Variants in RAB7A observed in about 807,000 individuals in gnomAD.
RAB7A encodes the protein ras-related protein Rab-7a.
In RAB7A, 2 loss-of-function variants were observed where a neutral mutation model predicts 24.5. That is an observed-to-expected ratio of 0.08 (90% CI 0.03 to 0.26). RAB7A has a LOEUF of 0.26. Ranked by LOEUF, RAB7A falls within the 10% of genes least tolerant of loss-of-function variation. RAB7A has a pLI of 1.00. For missense variants in RAB7A, 118 were observed against 255.7 expected, an observed-to-expected ratio of 0.46 and a Z score of 3.67; for synonymous variants, 100 against 95.9, an observed-to-expected ratio of 1.04 and a Z score of -0.25.
chr3:128,769,911 T>C (rs2070868244), intron 1 of RAB7A, among the ~76,000 whole-genome samples: 1 of 152,236 alleles, frequency 6.6e-6, no homozygotes. Flanking sequence ...TAGTTCCTTA[T>C]CATGCCTGCT....
rs138982701 is a variant in RAB7A at position 128,806,491 on chromosome 3, T to C, written c.300T>C (p.Asp100=). The part of the protein sequence containing the change: ...VTAPNTFKTL[D]SWRDEFLIQA... ...CCCCCAACACATTCAAAACCCTAGATAGCTGGAGAGATGAGTTTCTCATCC... is the reference window on the plus strand; with the variant it reads ...CCCCCAACACATTCAAAACCCTAGACAGCTGGAGAGATGAGTTTCTCATCC... The change falls in exon 4 of 6, where the codon GAT becomes GAC. Residue 100 remains aspartate (D), a synonymous_variant. Transcript: ENST00000265062. 16 of 1,614,136 alleles carry C rather than the reference T, an allele frequency of 9.9e-6. No homozygotes were observed. The African/African-American group carries it at 1.9e-4, about 19-fold the overall frequency.
chr3:128,774,108 T>C (rs1167140185), intron 1 of RAB7A, among the ~76,000 whole-genome samples: 1 of 150,604 alleles, frequency 6.6e-6, no homozygotes, highest in Admixed American at 6.6e-5. Context: ...AAAAAAATTT[T>C]TTTAAATATA....
chr3:128,757,253 A>T (rs2070738193), intron 1 of RAB7A, among the ~76,000 whole-genome samples: 1 of 152,088 alleles, frequency 6.6e-6, no homozygotes, highest in Admixed American at 6.6e-5. Flanking sequence ...TTTCTCTCCC[A>T]GCCATACTTG....
intron 1 of RAB7A, among the ~76,000 whole-genome samples, chr3:128,766,932 C>G (rs2070837299): frequency 6.6e-6 from 1 of 151,958 alleles, no homozygotes; most frequent in South Asian, 2.1e-4. Context: ...TAGAAGAGTT[C>G]TAATTTCTCC....
intron 1 of RAB7A, among the ~76,000 whole-genome samples, chr3:128,758,266 G>GTTTTT (rs1261789868): frequency 3.2e-5 from 4 of 124,400 alleles, no homozygotes; most frequent in Non-Finnish European, 3.3e-5. Flanking sequence ...CCCAGTGTTT[G>GTTTTT]TTTTTTTGTT....
intron 1 of RAB7A, among the ~76,000 whole-genome samples, chr3:128,792,778 T>A (rs1933484327): frequency 6.6e-6 from 1 of 152,076 alleles, no homozygotes. Context: ...TGCCTCAGTC[T>A]CCCGAATAGC....
chr3:128,730,220 TTGTG>T, intron 1 of RAB7A, among the ~76,000 whole-genome samples: 1 of 152,278 alleles, frequency 6.6e-6, no homozygotes. Flanking sequence ...GAAAAATAGT[TTGTG>T]TTTTAAAACT....
chr3:128,736,686 T>A (rs2070492680), intron 1 of RAB7A, among the ~76,000 whole-genome samples: 1 of 152,084 alleles, frequency 6.6e-6, no homozygotes, highest in Non-Finnish European at 1.5e-5. Context: ...GTATTTAAAT[T>A]TAAAAAAATT....
chr3:128,776,954 AC>A, intron 1 of RAB7A, among the ~76,000 whole-genome samples: 1 of 117,366 alleles, frequency 8.5e-6, no homozygotes, highest in Non-Finnish European at 1.6e-5. Context: ...CTACACACAC[AC>A]ACACACACAC....
At chr3:128,805,244 C>T (rs528892273) in intron 3 of RAB7A, among the ~76,000 whole-genome samples, 63 of 152,282 alleles carry the variant, frequency 4.1e-4, no homozygotes, top group African/African-American at 1.4e-3. Context: ...CCAGCAGTCC[C>T]GATCCTGTTT....
intron 2 of RAB7A, among the ~76,000 whole-genome samples, chr3:128,795,751 C>CTTTTGTTTTTTTTTTTTTTTTT (rs1933555372): frequency 4.6e-5 from 2 of 43,030 alleles, no homozygotes; most frequent in African/African-American, 6.3e-5. Flanking sequence ...AGCAGATGTG[C>CTTTTGTTTTTTTTTTTTTTTTT]TTTTTTTTTT....
intron 3 of RAB7A, among the ~76,000 whole-genome samples, chr3:128,802,228 G>A (rs1933712625): frequency 6.6e-6 from 1 of 152,210 alleles, no homozygotes; most frequent in African/African-American, 2.4e-5. Flanking sequence ...AATCTAATGT[G>A]TAGGGAAAGA....
At chr3:128,750,025 GT>G (rs2070660882) in intron 1 of RAB7A, among the ~76,000 whole-genome samples, 1 of 152,220 alleles carries the variant, frequency 6.6e-6, no homozygotes, top group Non-Finnish European at 1.5e-5. Flanking sequence ...ATGTGGGAAA[GT>G]TTGGAACTTC....
chr3:128,775,276 A>G (rs1393081644), intron 1 of RAB7A, among the ~76,000 whole-genome samples: 3 of 152,208 alleles, frequency 2.0e-5, no homozygotes, highest in African/African-American at 7.2e-5. Context: ...CCTGGCTTTT[A>G]GTGAGACTGT....
intron 1 of RAB7A, among the ~76,000 whole-genome samples, chr3:128,746,560 G>C (rs899662390): frequency 4.7e-5 from 7 of 150,430 alleles, no homozygotes; most frequent in Non-Finnish European, 8.9e-5. Context: ...ATGGAGTCTC[G>C]CTCTGTCTCC....
At chr3:128,753,742 T>C (rs2070707431) in intron 1 of RAB7A, among the ~76,000 whole-genome samples, 1 of 152,180 alleles carries the variant, frequency 6.6e-6, no homozygotes, top group African/African-American at 2.4e-5. Context: ...TATAAAGTCA[T>C]TAATCCTATC....
At chr3:128,758,274 GTTT>G (rs35360318) in intron 1 of RAB7A, among the ~76,000 whole-genome samples, 2 of 126,722 alleles carry the variant, frequency 1.6e-5, no homozygotes. Flanking sequence ...TTGTTTTTTT[GTTT>G]TTTTTTTTTT....
chr3:128,754,381 A>T (rs921582761), intron 1 of RAB7A, among the ~76,000 whole-genome samples: 3 of 152,126 alleles, frequency 2.0e-5, no homozygotes, highest in African/African-American at 7.2e-5. Context: ...GTTAAATATC[A>T]GCCCCATGGT....
At chr3:128,742,862 C>T (rs7637609) in intron 1 of RAB7A, among the ~76,000 whole-genome samples, 8,180 of 152,346 alleles carry the variant, frequency 0.054, 639 homozygotes, top group African/African-American at 0.17. Context: ...CAGCTGGCTT[C>T]GCCTAGCGGA....
Sources: gnomAD v4.1 joint callset for allele counts (sites outside exome capture counted in the v4.1 genomes callset) on GRCh38, gnomAD v4.1.1 for gene constraint, MANE v1.5 for transcripts, NCBI Gene and HGNC (gene_info 2026-07-23, HGNC 2026-07-21) for gene names.